IL19: variants seen among roughly 807,000 people sequenced by gnomAD.
The protein encoded by IL19 is interleukin 19, also known as interleukin-19.
IL19 carries 15 observed loss-of-function variants against 19.5 expected under a neutral mutation model. The observed-to-expected ratio is 0.77, with a 90% CI of 0.52 to 1.19. The LOEUF is 1.19. Among genes scored for constraint, IL19 ranks in the 50% most tolerant of loss-of-function variants. IL19 has a pLI of 0.00. For missense variants in IL19, 199 were observed against 213.1 expected (o/e 0.93, Z 0.41); for synonymous variants, 78 against 78.3 (o/e 1.00, Z 0.02).
chr1:206,830,098 C>G (rs1280183750), intron 2 of IL19, among the ~76,000 whole-genome samples: 3 of 152,202 alleles, frequency 2.0e-5, no homozygotes, highest in Non-Finnish European at 2.9e-5. Context: ...CCTTTCCACT[C>G]TACCTAATCC....
At chr1:206,810,923 T>C (rs1369674962) in intron 2 of IL19, among the ~76,000 whole-genome samples, 1 of 152,164 alleles carries the variant, frequency 6.6e-6, no homozygotes, top group South Asian at 2.1e-4. Context: ...TTGCTTCCTA[T>C]CTCACCATGT....
intron 1 of IL19, among the ~76,000 whole-genome samples, chr1:206,781,904 CAT>C (rs1324440408): frequency 2.0e-4 from 24 of 120,120 alleles, no homozygotes; most frequent in Non-Finnish European, 2.6e-4. Flanking sequence ...GTTATATATA[CAT>C]ATATATGTAT....
chr1:206,808,500 CGTGTGTGTGTGT>C (rs36044951), intron 2 of IL19, among the ~76,000 whole-genome samples: 6 of 148,610 alleles, frequency 4.0e-5, no homozygotes, highest in Non-Finnish European at 6.0e-5. Context: ...TGTGTGTGTG[CGTGTGTGTGTGT>C]GTGTGTGTGT....
chr1:206,773,952 C>T (rs1443952836), intron 1 of IL19, among the ~76,000 whole-genome samples: 1 of 152,194 alleles, frequency 6.6e-6, no homozygotes, highest in African/African-American at 2.4e-5. Flanking sequence ...CTCCTGCCTG[C>T]CAGGGAGCAT....
chr1:206,774,023 C>T (rs1674930190), intron 1 of IL19, among the ~76,000 whole-genome samples: 1 of 152,342 alleles, frequency 6.6e-6, no homozygotes, highest in East Asian at 1.9e-4. Flanking sequence ...TAGTTCTTCA[C>T]CTTTCTGCAT....
At chr1:206,814,136 A>G (rs963221238) in intron 2 of IL19, among the ~76,000 whole-genome samples, 7 of 152,132 alleles carry the variant, frequency 4.6e-5, no homozygotes, top group South Asian at 2.1e-4. Context: ...TATTTAAAAA[A>G]CTGTTGTGGT....
intron 1 of IL19, among the ~76,000 whole-genome samples, chr1:206,775,658 C>T (rs1437264655): frequency 6.6e-6 from 1 of 152,204 alleles, no homozygotes; most frequent in Non-Finnish European, 1.5e-5. Flanking sequence ...AACAGGACTC[C>T]TATTTCTCAA....
chr1:206,796,713 C>A (rs1305850741), intron 1 of IL19, among the ~76,000 whole-genome samples: 1 of 152,164 alleles, frequency 6.6e-6, no homozygotes, highest in Admixed American at 6.5e-5. Flanking sequence ...ACTGTATGGC[C>A]TATCTTATTG....
intron 6 of IL19, among the ~76,000 whole-genome samples, chr1:206,841,776 G>A (rs904314965): frequency 1.3e-5 from 2 of 152,184 alleles, no homozygotes; most frequent in Non-Finnish European, 2.9e-5. Flanking sequence ...TATAAGCCAG[G>A]TATTGCTCTA....
chr1:206,836,708 A>G lies in IL19; in HGVS notation c.46A>G (p.Ile16Val). ...VSLWLLGTIL[I>V]LCSVDNHGLR... ...CCTTTGGCTCCTGGGTACAATACTG[A>G]TATTGTGCTCAGTAGACAACCACGG... The change falls in exon 3 of 7, where the codon ATA (isoleucine) becomes GTA (valine). Residue 16 changes from isoleucine to valine, a missense_variant. Transcript: ENST00000659997. 1 of 1,612,298 alleles carries G rather than the reference A, an allele frequency of 6.2e-7. No individual in the cohort carries two copies. Among genetic ancestry groups the G allele is most frequent in the Non-Finnish European group, 8.5e-7 (1 of 1,178,428 alleles).
intron 1 of IL19, among the ~76,000 whole-genome samples, chr1:206,777,406 CAA>C (rs761553258): frequency 3.0e-4 from 16 of 54,028 alleles, no homozygotes; most frequent in Admixed American, 5.9e-4. Context: ...GACTCCGTCT[CAA>C]AAAAAAAAAA....
chr1:206,812,692 C>T (rs1282321699), intron 2 of IL19, among the ~76,000 whole-genome samples: 1 of 152,154 alleles, frequency 6.6e-6, no homozygotes, highest in Non-Finnish European at 1.5e-5. Context: ...ACATAAAAAA[C>T]CCCAACCGTG....
At chr1:206,816,809 A>G (rs1181888748) in intron 2 of IL19, among the ~76,000 whole-genome samples, 1 of 152,246 alleles carries the variant, frequency 6.6e-6, no homozygotes, top group East Asian at 1.9e-4. Context: ...TAAAAACACA[A>G]ATAGGTTAAC....
chr1:206,826,720 C>T (rs1676443984), intron 2 of IL19, among the ~76,000 whole-genome samples: 1 of 152,206 alleles, frequency 6.6e-6, no homozygotes, highest in Admixed American at 6.5e-5. Context: ...CATCCGATTT[C>T]CACAGAATTA....
chr1:206,829,706 G>T (rs1256091857), intron 2 of IL19, among the ~76,000 whole-genome samples: 2 of 152,160 alleles, frequency 1.3e-5, no homozygotes, highest in Non-Finnish European at 2.9e-5. Context: ...AGAGTGGATT[G>T]TTCAGGAGAG....
intron 2 of IL19, among the ~76,000 whole-genome samples, chr1:206,816,464 G>A (rs1286691324): frequency 1.3e-5 from 2 of 152,076 alleles, no homozygotes; most frequent in Non-Finnish European, 1.5e-5. Context: ...GGCAGACTGT[G>A]GTGAGTTAAA....
At chr1:206,781,400 G>C (rs1364638563) in intron 1 of IL19, among the ~76,000 whole-genome samples, 4 of 104,958 alleles carry the variant, frequency 3.8e-5, no homozygotes, top group African/African-American at 1.5e-4. Flanking sequence ...GGGCGACAGA[G>C]CAAGACTCTG....
intron 2 of IL19, among the ~76,000 whole-genome samples, chr1:206,829,999 G>A (rs1676547476): frequency 1.3e-5 from 2 of 152,206 alleles, no homozygotes; most frequent in Non-Finnish European, 2.9e-5. Flanking sequence ...TCAGCTTCCT[G>A]GGTAATGACA....
intron 1 of IL19, chr1:206,771,493 T>C: frequency 8.2e-7 from 1 of 1,213,984 alleles, no homozygotes; most frequent in East Asian, 2.5e-5. Context: ...TGCCCTTTCA[T>C]TTAGAGATTT....
Sources: allele counts gnomAD v4.1 joint callset (sites outside exome capture counted in the v4.1 genomes callset), GRCh38; gene constraint gnomAD v4.1.1; transcripts MANE v1.5; gene names NCBI Gene and HGNC (gene_info 2026-07-23, HGNC 2026-07-21).